USH2A: variants seen among roughly 807,000 people sequenced by gnomAD.
USH2A encodes the protein usherin.
USH2A carries 443 observed loss-of-function variants against 538.9 expected under a neutral mutation model. That is an observed-to-expected ratio of 0.82 (90% CI 0.76 to 0.89). USH2A has a LOEUF of 0.89. Among genes scored for constraint, USH2A ranks in the 40% least tolerant of loss-of-function variants. The probability of loss-of-function intolerance (pLI) is 0.00; values close to 1 mark genes in which losing one functional copy is unlikely to be tolerated. For missense variants in USH2A, 6,633 were observed against 6,324.8 expected, an observed-to-expected ratio of 1.05 and a Z score of -1.65; for synonymous variants, 2,413 against 2,273.5, an observed-to-expected ratio of 1.06 and a Z score of -1.75.
At chr1:215,800,286 T>A (rs962577823) in intron 49 of USH2A, among the ~76,000 whole-genome samples, 3 of 152,136 alleles carry the variant, frequency 2.0e-5, no homozygotes, top group Non-Finnish European at 2.9e-5. Flanking sequence ...CTCTCTTTTG[T>A]CCTGCTCCTC....
At chr1:215,698,772 T>C (rs573497838) in intron 61 of USH2A, among the ~76,000 whole-genome samples, 1 of 152,218 alleles carries the variant, frequency 6.6e-6, no homozygotes, top group African/African-American at 2.4e-5. Context: ...ATTCTGTAGA[T>C]TGCCTTTTCA....
intron 61 of USH2A, among the ~76,000 whole-genome samples, chr1:215,719,781 G>T (rs1285534599): frequency 6.6e-6 from 1 of 152,170 alleles, no homozygotes; most frequent in African/African-American, 2.4e-5. Flanking sequence ...GAGGACAGAT[G>T]AATTATAGGA....
At chr1:215,713,513 C>T (rs1659398883) in intron 61 of USH2A, among the ~76,000 whole-genome samples, 1 of 152,144 alleles carries the variant, frequency 6.6e-6, no homozygotes, top group African/African-American at 2.4e-5. Context: ...AAATATTCCC[C>T]ATGTGACCTC....
intron 3 of USH2A, among the ~76,000 whole-genome samples, chr1:216,392,642 CTG>C (rs936886582): frequency 5.9e-5 from 9 of 151,602 alleles, no homozygotes; most frequent in Admixed American, 1.3e-4. Context: ...TGAAAATAAA[CTG>C]TGATACAATG....
chr1:216,092,021 T>G (rs944655073), intron 22 of USH2A, among the ~76,000 whole-genome samples: 2 of 152,120 alleles, frequency 1.3e-5, no homozygotes, highest in African/African-American at 4.8e-5. Flanking sequence ...GCAAGACTTT[T>G]TCTCTAATTT....
chr1:216,174,539 A>T, intron 21 of USH2A: 1 of 984,118 alleles, frequency 1.0e-6, no homozygotes, highest in African/African-American at 1.7e-5. Flanking sequence ...ATATTTTTAT[A>T]GTGCTTTCAC....
chr1:215,694,500 G>A (rs1238753587), intron 61 of USH2A, among the ~76,000 whole-genome samples: 1 of 152,188 alleles, frequency 6.6e-6, no homozygotes, highest in Non-Finnish European at 1.5e-5. Context: ...GTGAACCCGG[G>A]AGGCGGAGCT....
chr1:215,829,791 A>T (rs1663261821), intron 47 of USH2A, among the ~76,000 whole-genome samples: 2 of 152,216 alleles, frequency 1.3e-5, no homozygotes, highest in Non-Finnish European at 2.9e-5. Context: ...GGATCATTTT[A>T]AGAAAGGAAA....
chr1:216,281,865 GTTTTTT>G lies in USH2A; in HGVS notation c.1971+7409_1971+7414del, dbSNP rs766030449. ...TCCTCACCAAATTTTGTTTTTGTCTGTTTTTTTTTTTTTTTTTTTTTTGAGTTGCAG... is the reference window on the plus strand; with the variant it reads ...TCCTCACCAAATTTTGTTTTTGTCTGTTTTTTTTTTTTTTTTGAGTTGCAG... On this transcript the variant is annotated intron_variant, in intron 11 of 71. Coordinates refer to ENST00000307340, the MANE Select transcript of USH2A (RefSeq NM_206933.4). Among the ~76,000 whole-genome samples, 628 of 96,478 alleles carry G rather than the reference GTTTTTT, an allele frequency of 6.5e-3. 5 individuals carry two copies. Among genetic ancestry groups the G allele is most frequent in the African/African-American group, 0.024 (610 of 25,240 alleles). The allele number at this position is 96,478 out of a possible 152,430, so 63.3% of individuals were successfully genotyped here. A position where few individuals can be genotyped will look rare whatever the true frequency, so the allele number is the denominator to read the frequency against.
chr1:216,184,544 A>C (rs1215399157), intron 20 of USH2A, among the ~76,000 whole-genome samples: 2 of 152,006 alleles, frequency 1.3e-5, no homozygotes, highest in Admixed American at 1.3e-4. Flanking sequence ...GGATTATTGA[A>C]GACAGGAATG....
chr1:216,201,467 C>A (rs750192616), intron 16 of USH2A, among the ~76,000 whole-genome samples: 23 of 152,166 alleles, frequency 1.5e-4, no homozygotes, highest in East Asian at 3.9e-4. Context: ...GTGCCCACCA[C>A]CACGCCCGGC....
At chr1:216,405,037 G>T (rs773638983) in intron 3 of USH2A, among the ~76,000 whole-genome samples, 1 of 152,042 alleles carries the variant, frequency 6.6e-6, no homozygotes, top group Non-Finnish European at 1.5e-5. Context: ...ACCATGCCCA[G>T]CCAATTTTTC....
intron 32 of USH2A, among the ~76,000 whole-genome samples, chr1:216,020,351 A>G (rs1561173): frequency 6.6e-6 from 1 of 151,848 alleles, no homozygotes; most frequent in Non-Finnish European, 1.5e-5. Context: ...TACCCTACAT[A>G]GTATGGGTTG....
chr1:216,024,388 C>T (rs924241642), intron 32 of USH2A, among the ~76,000 whole-genome samples: 3 of 151,984 alleles, frequency 2.0e-5, no homozygotes, highest in African/African-American at 7.2e-5. Context: ...GCCATACCAG[C>T]ATTTTGTAAA....
At chr1:216,068,846 T>C (rs777596885) in intron 30 of USH2A, among the ~76,000 whole-genome samples, 60 of 152,146 alleles carry the variant, frequency 3.9e-4, no homozygotes, top group Non-Finnish European at 7.5e-4. Context: ...TAATAACAAC[T>C]CCATCAGGCA....
At chr1:215,984,277 A>C (rs2102469365) in intron 35 of USH2A, among the ~76,000 whole-genome samples, 1 of 152,364 alleles carries the variant, frequency 6.6e-6, no homozygotes, top group East Asian at 1.9e-4. Context: ...CTCTGGCACT[A>C]ATAATCAGTA....
At chr1:215,811,171 G>C (rs547330038) in intron 49 of USH2A, among the ~76,000 whole-genome samples, 1 of 152,294 alleles carries the variant, frequency 6.6e-6, no homozygotes, top group South Asian at 2.1e-4. Flanking sequence ...ACTATGAGAG[G>C]TGTTTAGTTT....
At position 216,048,603 on chromosome 1, in the gene USH2A, G is replaced by C; in HGVS notation, c.6094C>G (p.Leu2032Val). Reference protein sequence around the residue: ...LLPFKNYAVTLTACTLAGCTE... With the variant: ...LLPFKNYAVTVTACTLAGCTE... ...CAGCCAGCCAAAGTGCAAGCAGTTAGGGTTACTGCATAGTTTTTGAAGGGT... is the reference window on the plus strand; with the variant it reads ...CAGCCAGCCAAAGTGCAAGCAGTTACGGTTACTGCATAGTTTTTGAAGGGT... Residue 2032 changes from leucine (L) to valine (V), a missense_variant, in exon 31 of 72, where the codon CTA becomes GTA. Leu to Val is a conservative substitution (Grantham distance 32). Coordinates refer to ENST00000307340, the MANE Select transcript of USH2A (RefSeq NM_206933.4). 1 of 1,614,074 alleles carries C rather than the reference G, an allele frequency of 6.2e-7. No homozygotes were observed. Among genetic ancestry groups the C allele is most frequent in the Non-Finnish European group, 8.5e-7 (1 of 1,179,984 alleles).
At chr1:215,772,770 A>C (rs940726471) in intron 55 of USH2A, among the ~76,000 whole-genome samples, 1 of 152,310 alleles carries the variant, frequency 6.6e-6, no homozygotes, top group Non-Finnish European at 1.5e-5. Flanking sequence ...CAATTATTCT[A>C]TAGTGTCATC....
Sources: gnomAD v4.1 joint callset for allele counts (sites outside exome capture counted in the v4.1 genomes callset) on GRCh38, gnomAD v4.1.1 for gene constraint, MANE v1.5 for transcripts, NCBI Gene and HGNC (gene_info 2026-07-23, HGNC 2026-07-21) for gene names.